Variants in RCN3 observed in about 807,000 individuals in gnomAD.
The protein encoded by RCN3 is reticulocalbin 3, also known as reticulocalbin-3.
In RCN3, 41 loss-of-function variants were observed where a neutral mutation model predicts 35.9. The ratio of observed to expected loss-of-function variants is 1.14; its 90% CI spans 0.89 to 1.48. The LOEUF is 1.48. RCN3 is among the 40% of genes most tolerant of loss of function. The pLI is 0.00. For missense variants in RCN3, 451 were observed against 471.3 expected, an observed-to-expected ratio of 0.96 and a Z score of 0.40; for synonymous variants, 187 against 193.4, an observed-to-expected ratio of 0.97 and a Z score of 0.27.
intron 5 of RCN3, among the ~76,000 whole-genome samples, chr19:49,539,405 G>A (rs143210262): frequency 3.0e-4 from 46 of 152,222 alleles, no homozygotes; most frequent in African/African-American, 9.2e-4. Context: ...TGTGTGTCAC[G>A]CCCAGGATAC....
In RCN3 at chr19:49,537,166, C is replaced by A. The variant is rs142564622; in HGVS notation, c.579C>A (p.His193Gln). 3.6e-4 allele frequency: 572 copies of A among 1,571,818 alleles called. 2 individuals carry two copies. The highest frequency in any genetic ancestry group is 7.4e-4 in the African/African-American group (54 of 72,692). ...ATREELTAFL[H>Q]PEEFPHMRDI... The stretch of plus-strand genomic sequence containing the variant: ...GAGAGGAGCTGACAGCCTTCCTGCA[C>A]CCCGAGGAGTTCCCTCACATGCGGG... Residue 193 changes from histidine (H) to glutamine (Q), a missense_variant, in exon 4 of 7, where the codon CAC (histidine) becomes CAA (glutamine). Coordinates refer to ENST00000270645, the MANE Select transcript of RCN3 (RefSeq NM_020650.3).
chr19:49,528,553 C>G lies in RCN3; in HGVS notation c.81C>G (p.Gly27=), dbSNP rs371220960. 7.5e-6 allele frequency: 12 copies of G among 1,591,370 alleles called. No individual in the cohort carries two copies. Among genetic ancestry groups the G allele is most frequent in the African/African-American group, 1.4e-5 (1 of 73,512 alleles). ...GAQGKPSPDA[G]PHGQGRVHQA... ...AGGGGAAGCCATCCCCAGACGCAGGCCCTCATGGCCAGGGGAGGGTGCACC... is the reference window on the plus strand; with the variant it reads ...AGGGGAAGCCATCCCCAGACGCAGGGCCTCATGGCCAGGGGAGGGTGCACC... Residue 27 remains glycine, a synonymous_variant, in exon 2 of 7, where the codon GGC becomes GGG. Transcript: ENST00000270645.
At chr19:49,534,558 C>T (rs760601061) in intron 3 of RCN3, among the ~76,000 whole-genome samples, 163 bp downstream of exon 3, 3 of 152,122 alleles carry the variant, frequency 2.0e-5, no homozygotes, top group Non-Finnish European at 4.4e-5. Flanking sequence ...CAGTTTCTCA[C>T]CTCTGGCTTC....
chr19:49,542,915 A>G lies in RCN3; in HGVS notation c.879+163A>G, dbSNP rs45610633. Reference sequence around the variant, plus strand: ...AAAAGAGAGGGCACGGAGCCCCAGAAAGAGAGGGGGACAGAGACCCAGAGA... The same window carrying G: ...AAAAGAGAGGGCACGGAGCCCCAGAGAGAGAGGGGGACAGAGACCCAGAGA... On this transcript the variant is annotated intron_variant, in intron 6 of 6. Coordinates refer to ENST00000270645, the MANE Select transcript of RCN3 (RefSeq NM_020650.3). 3.3e-5 allele frequency among the ~76,000 whole-genome samples: 5 copies of G among 150,732 alleles called. No individual in the cohort carries two copies. The South Asian group carries it at 6.2e-4, about 19-fold the overall frequency.
chr19:49,530,086 G>GAGTCCTAGCTACAAGTGAACGCTACA (rs1351334144), intron 2 of RCN3, among the ~76,000 whole-genome samples: 2 of 151,958 alleles, frequency 1.3e-5, no homozygotes, highest in African/African-American at 2.4e-5. Flanking sequence ...CTAGTAGCTA[G>GAGTCCTAGCTACAAGTGAACGCTACA]AGTCCTAGCT....
At position 49,528,659 on chromosome 19, in the gene RCN3, G is replaced by C. The variant is rs1381423872; in HGVS notation, c.187G>C (p.Glu63Gln). The change falls in exon 2 of 7, where the codon GAA (glutamate) becomes CAA (glutamine). Residue 63 changes from glutamate (E) to glutamine (Q), a missense_variant. Glu to Gln is a conservative substitution (Grantham distance 29). Transcript: ENST00000270645. The stretch of plus-strand genomic sequence containing the variant: ...CGACCATGAGGCTTTCCTGGGACGG[G>C]AAGTGGCCAAGGAATTCGACCAACT... ...QYDHEAFLGR[E>Q]VAKEFDQLTP... The C allele has an allele frequency of 6.2e-7, 1 of 1,611,900 alleles. No homozygotes were observed. The highest frequency in any genetic ancestry group is 1.1e-5 in the South Asian group (1 of 90,730).
intron 2 of RCN3, among the ~76,000 whole-genome samples, chr19:49,530,251 C>G (rs1199803976): frequency 6.6e-6 from 1 of 151,666 alleles, no homozygotes; most frequent in Admixed American, 6.6e-5. Context: ...CCTCTGCCTC[C>G]CAGGTTCAAG....
chr19:49,528,399 C>G, intron 1 of RCN3, 68 bp from the exon 2 acceptor site: 1 of 1,386,646 alleles, frequency 7.2e-7, no homozygotes, highest in East Asian at 2.7e-5. Flanking sequence ...CTCCACCCCG[C>G]CATTCTCCTA....
chr19:49,535,113 C>A (rs1374952132), intron 3 of RCN3, among the ~76,000 whole-genome samples: 2 of 152,154 alleles, frequency 1.3e-5, no homozygotes, highest in East Asian at 1.9e-4. Context: ...CCTCCTGGGC[C>A]CCCAGGAGAC....
chr19:49,529,849 T>G (rs1051128032), intron 2 of RCN3, among the ~76,000 whole-genome samples: 1 of 148,856 alleles, frequency 6.7e-6, no homozygotes, highest in Non-Finnish European at 1.5e-5. Flanking sequence ...CTCCACCTCC[T>G]GGGCTCAAGC....
At chr19:49,531,897 T>G in intron 2 of RCN3, among the ~76,000 whole-genome samples, 1 of 151,658 alleles carries the variant, frequency 6.6e-6, no homozygotes. Flanking sequence ...ACCTCCCGGG[T>G]TCATGCCATT....
rs79986112 is a variant in RCN3, at chr19:49,534,957, C to G, written c.445+562C>G. Among the ~76,000 whole-genome samples, 203 of 152,210 alleles carry G rather than the reference C, an allele frequency of 1.3e-3. 3 individuals carry two copies. In the East Asian group the frequency reaches 0.035, roughly 26 times the overall value. Reference sequence around the variant, plus strand: ...TCTGTCCCAAGTCCCAGCCTCAGTGCCCCACACCCTGCCACACACACAGCC... The same window carrying G: ...TCTGTCCCAAGTCCCAGCCTCAGTGGCCCACACCCTGCCACACACACAGCC... On this transcript the variant is annotated intron_variant, in intron 3 of 6. Transcript: ENST00000270645.
In RCN3 at chr19:49,528,711, TG is replaced by T. The variant is rs775917759; in HGVS notation, c.242+1del. On this transcript the variant is annotated frameshift_variant and splice_region_variant, in exon 2 of 7. Coordinates refer to ENST00000270645, the MANE Select transcript of RCN3 (RefSeq NM_020650.3). ...ACCCCAGAGGAAAGCCAGGCCCGTC[TG>T]GGGTAAGAGAGACATTCGGTTGGGG... ...QLTPEESQAR[L>X]GRIVDRMDRA... The T allele has an allele frequency of 1.4e-5, 23 of 1,587,740 alleles. No homozygotes were observed. In the African/African-American group the frequency reaches 1.9e-4, roughly 13 times the overall value.
At chr19:49,541,496 C>A (rs2080162688) in intron 5 of RCN3, among the ~76,000 whole-genome samples, 1 of 152,120 alleles carries the variant, frequency 6.6e-6, no homozygotes. Context: ...CGCCTGTATT[C>A]CCAGCACTTT....
At chr19:49,537,797 C>G (rs2080143728) in intron 4 of RCN3, among the ~76,000 whole-genome samples, 1 of 149,186 alleles carries the variant, frequency 6.7e-6, no homozygotes, top group Admixed American at 6.7e-5. Context: ...CCGTGCCCGG[C>G]CAATTTTTAA....
intron 2 of RCN3, among the ~76,000 whole-genome samples, chr19:49,532,866 A>G (rs60811269): frequency 0.025 from 3,594 of 146,592 alleles, 162 homozygotes; most frequent in African/African-American, 0.086. Flanking sequence ...AGTAGAGACA[A>G]GGTTTCACCA....
Position 49,542,618 on chromosome 19 carries a change from T to C in RCN3, c.745T>C (p.Phe249Leu). The C allele has an allele frequency of 6.2e-7, 1 of 1,607,440 alleles. No individual in the cohort carries two copies. Among genetic ancestry groups the C allele is most frequent in the Non-Finnish European group, 8.5e-7 (1 of 1,177,638 alleles). ...GTGGGTGCAGACGGAGAGGCAGCAG[T>C]TCCGGGACTTCCGGGATCTGAACAA... ...PAWVQTERQQ[F>L]RDFRDLNKDG... Residue 249 changes from phenylalanine (F) to leucine (L), a missense_variant, in exon 6 of 7, where the codon TTC becomes CTC. Coordinates refer to ENST00000270645, the MANE Select transcript of RCN3 (RefSeq NM_020650.3).
rs369474948 is a variant in RCN3, at chr19:49,535,873, T to TAGATAG, written c.446-1159_446-1158insGATAGA. ...TCAAAAAAAAAAAAATATATATATA[T>TAGATAG]ATAGATAGATAGATAGATAGATAGA... On this transcript the variant is annotated intron_variant, in intron 3 of 6. Coordinates refer to ENST00000270645, the MANE Select transcript of RCN3 (RefSeq NM_020650.3). Among the ~76,000 whole-genome samples the TAGATAG allele has an allele frequency of 9.7e-4, 141 of 144,782 alleles. 2 individuals carry two copies. Among genetic ancestry groups the TAGATAG allele is most frequent in the South Asian group, 5.2e-3 (24 of 4,658 alleles). The allele number at this position is 144,782 out of a possible 152,430, so 95.0% of individuals were successfully genotyped here.
intron 2 of RCN3, among the ~76,000 whole-genome samples, chr19:49,532,678 ATTG>A: frequency 9.2e-6 from 1 of 109,266 alleles, no homozygotes; most frequent in East Asian, 2.9e-4. Flanking sequence ...CCGGCCTATT[ATTG>A]TTATTATTAT....
Sources: allele counts gnomAD v4.1 joint callset (sites outside exome capture counted in the v4.1 genomes callset), GRCh38; gene constraint gnomAD v4.1.1; transcripts MANE v1.5; gene names NCBI Gene and HGNC (gene_info 2026-07-23, HGNC 2026-07-21).